The following PRRC1 variants were observed in gnomAD, a reference collection of about 807,000 sequenced individuals.
The protein encoded by PRRC1 is proline rich coiled-coil 1.
Under a neutral mutation model 40.7 loss-of-function variants are expected in PRRC1, and 39 were observed. The observed-to-expected ratio is 0.96, with a 90% CI of 0.74 to 1.25. PRRC1 has a LOEUF of 1.25. Among genes scored for constraint, PRRC1 ranks in the 50% most tolerant of loss-of-function variants. The pLI, the probability that PRRC1 is intolerant of heterozygous loss-of-function variation, is 0.00. For synonymous variants in PRRC1, 175 were observed against 193.3 expected (o/e 0.91, Z 0.79); for missense variants, 573 against 548.3 (o/e 1.05, Z -0.45).
chr5:127,553,550 A>G lies in PRRC1; in HGVS notation c.*1634A>G, dbSNP rs1768446947. 6 of 1,220,394 alleles carry G rather than the reference A, an allele frequency of 4.9e-6. No individual in the cohort carries two copies. Among genetic ancestry groups the G allele is most frequent in the Admixed American group, 4.0e-5 (1 of 24,884 alleles). The allele number at this position is 1,220,394 out of a possible 1,614,324, so 75.6% of individuals were successfully genotyped here. The stretch of plus-strand genomic sequence containing the variant: ...GCGTCTACACTTTATTTTAAAAGCT[A>G]TCCTTTTCTAGTAGTATTTTATCAT... On this transcript the variant is annotated 3_prime_UTR_variant, in exon 9 of 9. Coordinates refer to ENST00000296666, the MANE Select transcript of PRRC1 (RefSeq NM_130809.5).
intron 3 of PRRC1, among the ~76,000 whole-genome samples, chr5:127,525,419 A>G (rs549853975): frequency 1.3e-5 from 2 of 152,328 alleles, no homozygotes; most frequent in East Asian, 1.9e-4. Flanking sequence ...CATTTATTCA[A>G]TTAATCAGTT....
In PRRC1 at chr5:127,552,170, G is replaced by A; in HGVS notation, c.*254G>A. The A allele has an allele frequency of 1.6e-6, 2 of 1,248,416 alleles. No homozygotes were observed. Among genetic ancestry groups the A allele is most frequent in the South Asian group, 4.5e-5 (2 of 44,928 alleles). 77.3% of individuals were successfully genotyped at this position (1,248,416 alleles called of 1,614,324 possible). ...AAGAAAATATACAAATCTATTTACA[G>A]CACAATTTAATATACCAGATTTATA... On this transcript the variant is annotated 3_prime_UTR_variant, in exon 9 of 9. Transcript: ENST00000296666.
chr5:127,527,109 A>T (rs1312492032), intron 4 of PRRC1, among the ~76,000 whole-genome samples: 1 of 152,132 alleles, frequency 6.6e-6, no homozygotes, highest in African/African-American at 2.4e-5. Flanking sequence ...TTCACCATAC[A>T]TGCTGTTGCA....
At chr5:127,523,399 A>G (rs765859019) in intron 1 of PRRC1, 61 bp from the exon 2 acceptor site, 4 of 726,734 alleles carry the variant, frequency 5.5e-6, no homozygotes, top group South Asian at 5.7e-5. Context: ...TCTCTATTCA[A>G]GCTTTAAAAA....
rs1351214805 is a variant in PRRC1 at position 127,535,344 on chromosome 5, A to G, written c.921+1558A>G. 3.3e-5 allele frequency among the ~76,000 whole-genome samples: 5 copies of G among 152,122 alleles called. No individual in the cohort carries two copies. In the South Asian group the frequency reaches 6.2e-4, roughly 19 times the overall value. On this transcript the variant is annotated intron_variant, in intron 6 of 8. Coordinates refer to ENST00000296666, the MANE Select transcript of PRRC1 (RefSeq NM_130809.5). ...GAACACTACAGCACTCCAGCACTAC[A>G]CTTGGGGGCCATTTGAAAACAGCAG...
chr5:127,543,701 C>T (rs1178406832), intron 7 of PRRC1, among the ~76,000 whole-genome samples: 3 of 152,162 alleles, frequency 2.0e-5, no homozygotes, highest in East Asian at 1.9e-4. Context: ...ATGTAGTTCT[C>T]GAGCCTTGGC....
In PRRC1 at chr5:127,535,039, C is replaced by A. The variant is rs553647970; in HGVS notation, c.921+1253C>A. On this transcript the variant is annotated intron_variant, in intron 6 of 8. Coordinates refer to ENST00000296666, the MANE Select transcript of PRRC1 (RefSeq NM_130809.5). ...AACATAATTGTGTTCCATAAAGTTG[C>A]TACAGACTGAATTTGTGAATACTGA... is the stretch of plus-strand genomic sequence containing the variant. Among the ~76,000 whole-genome samples, 4 of 152,246 alleles carry A rather than the reference C, an allele frequency of 2.6e-5. No homozygotes were observed. The East Asian group carries it at 7.7e-4, about 29-fold the overall frequency.
chr5:127,528,274 A>G (rs1021677384), intron 4 of PRRC1, among the ~76,000 whole-genome samples: 2 of 151,980 alleles, frequency 1.3e-5, no homozygotes, highest in Non-Finnish European at 2.9e-5. Flanking sequence ...TTCAGGAGTC[A>G]GTTCTGTCAG....
chr5:127,536,553 TC>T (rs1561684029), intron 6 of PRRC1, among the ~76,000 whole-genome samples: 1 of 151,952 alleles, frequency 6.6e-6, no homozygotes, highest in Non-Finnish European at 1.5e-5. Context: ...CTGAGGAAAA[TC>T]CTAAGTAGAA....
intron 8 of PRRC1, chr5:127,550,004 G>A (rs932137646): frequency 6.6e-6 from 1 of 151,696 alleles, no homozygotes; most frequent in African/African-American, 2.4e-5. Flanking sequence ...CCAAAAGATA[G>A]CTATTACATA....
In PRRC1 at chr5:127,523,555, G is replaced by C; in HGVS notation, c.76G>C (p.Ala26Pro). Residue 26 changes from alanine to proline, a missense_variant, in exon 2 of 9, where the codon GCT (alanine) becomes CCT (proline). Transcript: ENST00000296666. The part of the protein sequence containing the change: ...PPNPAGLAAT[A>P]MSSTPVPLAA... ...AAATCCTGCAGGGCTGGCTGCTACT[G>C]CTATGTCTTCTACCCCTGTTCCATT... 6.2e-7 allele frequency: 1 copy of C among 1,612,738 alleles called. No individual in the cohort carries two copies. The highest frequency in any genetic ancestry group is 8.5e-7 in the Non-Finnish European group (1 of 1,179,456).
chr5:127,524,157 A>G (rs1015869565), intron 2 of PRRC1: 3 of 171,512 alleles, frequency 1.7e-5, no homozygotes, highest in Non-Finnish European at 3.8e-5. Flanking sequence ...TACAGGTGTG[A>G]GCCACTGCGC....
intron 8 of PRRC1, chr5:127,548,282 T>A (rs747392958): frequency 4.4e-5 from 19 of 435,166 alleles, no homozygotes; most frequent in Non-Finnish European, 7.4e-5. Flanking sequence ...TCCACTGTTA[T>A]CTCCATTTCC....
intron 8 of PRRC1, 77 bp downstream of exon 8, chr5:127,547,998 G>C (rs555700187): frequency 2.1e-6 from 2 of 966,810 alleles, no homozygotes; most frequent in Non-Finnish European, 3.4e-6. Flanking sequence ...AATTTGTTCG[G>C]TTTTTTTGTT....
intron 7 of PRRC1, among the ~76,000 whole-genome samples, chr5:127,542,132 C>T (rs1338525286): frequency 1.3e-5 from 2 of 152,072 alleles, no homozygotes; most frequent in East Asian, 3.8e-4. Context: ...TTGTTATGTA[C>T]CCAGTAGTCA....
chr5:127,517,959 G>A (rs910651427), intron 1 of PRRC1, 183 bp downstream of exon 1: 5 of 152,622 alleles, frequency 3.3e-5, no homozygotes, highest in Non-Finnish European at 5.8e-5. Flanking sequence ...CTCAGCTGTG[G>A]CGGCGTGCGG....
chr5:127,537,238 T>C (rs1316224339), intron 6 of PRRC1, among the ~76,000 whole-genome samples: 1 of 151,884 alleles, frequency 6.6e-6, no homozygotes, highest in Admixed American at 6.6e-5. Context: ...TAGTATAAGC[T>C]CTTAGAGTAC....
At chr5:127,542,410 T>C (rs1030689190) in intron 7 of PRRC1, among the ~76,000 whole-genome samples, 5 of 152,120 alleles carry the variant, frequency 3.3e-5, no homozygotes, top group African/African-American at 1.2e-4. Flanking sequence ...CAGAGCTGAG[T>C]TCAATTTCTG....
At chr5:127,545,530 A>G (rs200043124) in intron 7 of PRRC1, among the ~76,000 whole-genome samples, 2,167 of 151,674 alleles carry the variant, frequency 0.014, 15 homozygotes, top group Non-Finnish European at 0.022. Context: ...GTAAACTATC[A>G]CAAGGACAAA....
Sources: gnomAD v4.1 joint callset for allele counts (sites outside exome capture counted in the v4.1 genomes callset) on GRCh38, gnomAD v4.1.1 for gene constraint, MANE v1.5 for transcripts, NCBI Gene and HGNC (gene_info 2026-07-23, HGNC 2026-07-21) for gene names.